Variants in FNDC1 observed in about 807,000 individuals in gnomAD.
FNDC1 encodes the protein fibronectin type III domain-containing protein 1.
FNDC1 carries 96 observed loss-of-function variants against 168.0 expected under a neutral mutation model. That is an observed-to-expected ratio of 0.57 (90% confidence interval 0.48 to 0.68). FNDC1 has a LOEUF of 0.68. Among genes scored for constraint, FNDC1 ranks in the 30% least tolerant of loss-of-function variants. The pLI, the probability that FNDC1 is intolerant of heterozygous loss-of-function variation, is 0.00. For synonymous variants in FNDC1, 1,099 were observed against 1,025.9 expected (o/e 1.07, Z -1.36); for missense variants, 2,587 against 2,482.1 (o/e 1.04, Z -0.90).
chr6:159,174,698 C>A (rs1215127767), intron 1 of FNDC1, among the ~76,000 whole-genome samples: 2 of 152,226 alleles, frequency 1.3e-5, no homozygotes, highest in African/African-American at 4.8e-5. Flanking sequence ...TTAGCAAATT[C>A]AAATAAGCAC....
chr6:159,234,196 C>G lies in FNDC1; in HGVS notation c.3684C>G (p.Ile1228Met). Reference sequence around the variant, plus strand: ...CCAAGGAAGAGAGGGAGCCTGCCATCGCGCTTGCCCCTCGCGGAGGGAGCC... The same window carrying G: ...CCAAGGAAGAGAGGGAGCCTGCCATGGCGCTTGCCCCTCGCGGAGGGAGCC... ...SLAKEEREPA[I>M]ALAPRGGSLA... Residue 1228 changes from isoleucine (I) to methionine (M), a missense_variant, in exon 11 of 23, where the codon ATC (isoleucine) becomes ATG (methionine). Physicochemically the swap from Ile to Met is conservative, Grantham distance 10. Coordinates refer to ENST00000297267, the MANE Select transcript of FNDC1 (RefSeq NM_032532.3). 6.3e-7 allele frequency: 1 copy of G among 1,598,250 alleles called. No individual in the cohort carries two copies. Among genetic ancestry groups the G allele is most frequent in the South Asian group, 1.1e-5 (1 of 88,618 alleles).
intron 17 of FNDC1, among the ~76,000 whole-genome samples, chr6:159,255,069 C>T (rs1777344524): frequency 6.6e-6 from 1 of 152,234 alleles, no homozygotes; most frequent in Non-Finnish European, 1.5e-5. Context: ...GCATTCTGCA[C>T]AGGAGAGATG....
chr6:159,261,946 A>AT (rs1777493878), intron 19 of FNDC1, among the ~76,000 whole-genome samples: 1 of 108,424 alleles, frequency 9.2e-6, no homozygotes, highest in African/African-American at 2.6e-5. Flanking sequence ...TACAAAAAAA[A>AT]AATTTTTTTT....
chr6:159,246,350 G>C (rs1023415789), intron 14 of FNDC1, among the ~76,000 whole-genome samples: 2 of 152,206 alleles, frequency 1.3e-5, no homozygotes, highest in Non-Finnish European at 2.9e-5. Context: ...TTGGGATGTA[G>C]AAGAGGTAGG....
intron 1 of FNDC1, among the ~76,000 whole-genome samples, chr6:159,187,233 T>C (rs1271248706): frequency 3.3e-5 from 5 of 152,106 alleles, no homozygotes; most frequent in Admixed American, 3.3e-4. Context: ...GGGAAATGGA[T>C]TGGGCAGTGA....
At position 159,200,083 on chromosome 6, in the gene FNDC1, G is replaced by T; in HGVS notation, c.391+1G>T. The T allele has an allele frequency of 1.3e-6, 2 of 1,589,824 alleles. No individual in the cohort carries two copies. The highest frequency in any genetic ancestry group is 1.7e-6 in the Non-Finnish European group (2 of 1,167,068). On this transcript the variant is annotated splice_donor_variant, in intron 3 of 22. Transcript: ENST00000297267. LOFTEE classifies it high-confidence loss of function. ...GTTTACAGAGCTGAAAGCCCACCTG[G>T]TAAGTCCTATCTAGAATCAGAGGCT... is the stretch of plus-strand genomic sequence containing the variant.
In FNDC1 at chr6:159,239,810, C is replaced by T. The variant is rs906444875; in HGVS notation, c.4474C>T (p.Arg1492Ter). 13 of 1,546,330 alleles carry T rather than the reference C, an allele frequency of 8.4e-6. No individual in the cohort carries two copies. The highest frequency in any genetic ancestry group is 1.0e-5 in the Non-Finnish European group (12 of 1,143,080). The change falls in exon 14 of 23, where the codon CGA becomes TGA. Residue 1492 changes from arginine to a stop codon, truncating the protein, a stop_gained. Coordinates refer to ENST00000297267, the MANE Select transcript of FNDC1 (RefSeq NM_032532.3). LOFTEE classifies it high-confidence loss of function. ...CACCAGGCGTCCAACAACCACAGTC[C>T]GAACCACTACGCGGACAACCACCAC... ...TTTRRPTTTV[R>*]TTTRTTTTTT...
At chr6:159,269,769 C>T (rs1466994481) in intron 22 of FNDC1, among the ~76,000 whole-genome samples, 1 of 152,180 alleles carries the variant, frequency 6.6e-6, no homozygotes, top group African/African-American at 2.4e-5. Context: ...AATCCAAAGG[C>T]CACTTGCAGG....
At chr6:159,203,310 G>T (rs1782414941) in intron 4 of FNDC1, among the ~76,000 whole-genome samples, 1 of 152,144 alleles carries the variant, frequency 6.6e-6, no homozygotes, top group African/African-American at 2.4e-5. Flanking sequence ...TAAGCAGATG[G>T]GAGTGACGGT....
chr6:159,257,338 A>G (rs1314986085), intron 18 of FNDC1, among the ~76,000 whole-genome samples: 11 of 152,086 alleles, frequency 7.2e-5, no homozygotes, highest in African/African-American at 1.2e-4. Context: ...CTGGGAAAAA[A>G]CTTCCTTGGT....
chr6:159,171,033 C>T (rs1781645621), intron 1 of FNDC1, among the ~76,000 whole-genome samples: 1 of 152,144 alleles, frequency 6.6e-6, no homozygotes, highest in Non-Finnish European at 1.5e-5. Flanking sequence ...GGCTTTGTGG[C>T]GATTCCAGCC....
At chr6:159,214,555 A>C (rs1030980395) in intron 4 of FNDC1, among the ~76,000 whole-genome samples, 4 of 152,204 alleles carry the variant, frequency 2.6e-5, no homozygotes, top group Admixed American at 2.6e-4. Context: ...GAGAGTTATA[A>C]ATAGCACATA....
At chr6:159,267,489 A>G (rs1407957644) in intron 21 of FNDC1, among the ~76,000 whole-genome samples, 5 of 151,944 alleles carry the variant, frequency 3.3e-5, no homozygotes, top group African/African-American at 1.2e-4. Context: ...TCCAACTATC[A>G]TAGTTTTCAT....
chr6:159,269,205 ATATC>A (rs148868340), intron 22 of FNDC1, among the ~76,000 whole-genome samples: 2,565 of 115,316 alleles, frequency 0.022, 101 homozygotes, highest in South Asian at 0.029. Flanking sequence ...CTACCTATTC[ATATC>A]TATCTATCTA....
chr6:159,173,234 G>A (rs1201477647), intron 1 of FNDC1, among the ~76,000 whole-genome samples: 1 of 151,822 alleles, frequency 6.6e-6, no homozygotes. Flanking sequence ...GCCTGGGTGT[G>A]AGTGGCAGTG....
intron 1 of FNDC1, among the ~76,000 whole-genome samples, 155 bp from the exon 2 acceptor site, chr6:159,197,276 T>G (rs1782264568): frequency 6.6e-6 from 1 of 152,250 alleles, no homozygotes; most frequent in Non-Finnish European, 1.5e-5. Flanking sequence ...TGTCACACTG[T>G]AATGCTGTGC....
chr6:159,217,552 G>C (rs1376834101), intron 5 of FNDC1, among the ~76,000 whole-genome samples: 1 of 152,160 alleles, frequency 6.6e-6, no homozygotes, highest in Non-Finnish European at 1.5e-5. Flanking sequence ...TCCCTTCCCT[G>C]ATACAGCCTA....
intron 4 of FNDC1, among the ~76,000 whole-genome samples, chr6:159,214,572 C>T (rs369787737): frequency 5.3e-5 from 8 of 152,296 alleles, no homozygotes; most frequent in African/African-American, 1.9e-4. Flanking sequence ...CATAATGTCT[C>T]TCTGCTATAT....
intron 14 of FNDC1, among the ~76,000 whole-genome samples, chr6:159,242,826 G>A (rs1016629243): frequency 1.3e-5 from 2 of 152,132 alleles, no homozygotes; most frequent in African/African-American, 2.4e-5. Context: ...CTTTCACTTA[G>A]CATAATTGTT....
Sources: gnomAD v4.1 joint callset for allele counts (sites outside exome capture counted in the v4.1 genomes callset) on GRCh38, gnomAD v4.1.1 for gene constraint, MANE v1.5 for transcripts, NCBI Gene and HGNC (gene_info 2026-07-23, HGNC 2026-07-21) for gene names.